The following TUBGCP3 variants were observed in gnomAD, a reference collection of about 807,000 sequenced individuals.
The protein encoded by TUBGCP3 is gamma-tubulin complex component 3.
A neutral mutation model predicts 123.1 loss-of-function variants in TUBGCP3; 50 were observed. The observed-to-expected ratio is 0.41, with a 90% CI of 0.32 to 0.51. TUBGCP3 has a LOEUF of 0.51. Among genes scored for constraint, TUBGCP3 ranks in the 20% least tolerant of loss-of-function variants. TUBGCP3 has a pLI of 0.36. For synonymous variants in TUBGCP3, 405 were observed against 413.9 expected (o/e 0.98, Z 0.26); for missense variants, 882 against 1,127.0 (o/e 0.78, Z 3.11).
intron 1 of TUBGCP3, among the ~76,000 whole-genome samples, chr13:112,570,798 G>C (rs529479821): frequency 1.3e-5 from 2 of 152,290 alleles, no homozygotes; most frequent in South Asian, 4.1e-4. Flanking sequence ...ACAGAAGCCA[G>C]TCCTCTTAAA....
At chr13:112,561,664 A>G (rs972591230) in intron 3 of TUBGCP3, among the ~76,000 whole-genome samples, 2 of 152,182 alleles carry the variant, frequency 1.3e-5, no homozygotes, top group Non-Finnish European at 2.9e-5. Flanking sequence ...ACAAGACGCA[A>G]CACTTCCTTC....
chr13:112,520,139 G>A, intron 14 of TUBGCP3, 118 bp from the exon 15 acceptor site: 1 of 938,412 alleles, frequency 1.1e-6, no homozygotes, highest in South Asian at 2.0e-5. Context: ...AGACAAATGG[G>A]ACCAATACAA....
chr13:112,562,976 C>T (rs538473302), intron 3 of TUBGCP3, among the ~76,000 whole-genome samples: 6 of 152,328 alleles, frequency 3.9e-5, no homozygotes, highest in Admixed American at 1.3e-4. Context: ...AGCACCTGCA[C>T]GCTGTTCCCT....
At chr13:112,522,937 T>C (rs1309712231) in intron 13 of TUBGCP3, among the ~76,000 whole-genome samples, 1 of 152,204 alleles carries the variant, frequency 6.6e-6, no homozygotes, top group African/African-American at 2.4e-5. Flanking sequence ...TGAGTAGTAG[T>C]ATCATGCACC....
chr13:112,504,382 G>A (rs938266053), intron 18 of TUBGCP3, among the ~76,000 whole-genome samples: 1 of 151,610 alleles, frequency 6.6e-6, no homozygotes, highest in Non-Finnish European at 1.5e-5. Context: ...CAGCTACTCA[G>A]GAGTCTGAGG....
At chr13:112,509,290 CCT>C (rs1881512831) in intron 17 of TUBGCP3, among the ~76,000 whole-genome samples, 2 of 152,168 alleles carry the variant, frequency 1.3e-5, no homozygotes, top group South Asian at 4.1e-4. Context: ...TCTGTTCTGC[CCT>C]AATAGGCCAT....
intron 19 of TUBGCP3, among the ~76,000 whole-genome samples, chr13:112,503,756 A>G (rs756588160): frequency 4.6e-5 from 7 of 152,204 alleles, no homozygotes; most frequent in Non-Finnish European, 7.3e-5. Flanking sequence ...GAATACCACA[A>G]TAGGATACCA....
chr13:112,504,535 CACAT>C, intron 18 of TUBGCP3, 87 bp downstream of exon 18: 1 of 866,450 alleles, frequency 1.2e-6, no homozygotes. Flanking sequence ...TATATATACA[CACAT>C]ACATACACAT....
At chr13:112,499,218 C>G (rs962244118) in intron 19 of TUBGCP3, 33 bp from the exon 20 acceptor site, 8 of 1,559,240 alleles carry the variant, frequency 5.1e-6, no homozygotes, top group Non-Finnish European at 6.9e-6. Flanking sequence ...ATGAATAGAG[C>G]CTCAACCAGC....
chr13:112,564,412 A>G (rs1191160629), intron 3 of TUBGCP3, among the ~76,000 whole-genome samples: 1 of 152,248 alleles, frequency 6.6e-6, no homozygotes, highest in Non-Finnish European at 1.5e-5. Flanking sequence ...TTTCTTCTCC[A>G]TAAAAGGAAA....
chr13:112,558,143 G>A, intron 5 of TUBGCP3, 53 bp downstream of exon 5: 3 of 1,537,968 alleles, frequency 2.0e-6, no homozygotes, highest in Non-Finnish European at 8.8e-7. Flanking sequence ...ACAGCCTGCA[G>A]GCGTCTCTGT....
chr13:112,519,309 C>T lies in TUBGCP3; in HGVS notation c.1882-266G>A, dbSNP rs914826464. 2.0e-5 allele frequency among the ~76,000 whole-genome samples: 3 copies of T among 152,190 alleles called. No individual in the cohort carries two copies. Among genetic ancestry groups the T allele is most frequent in the Non-Finnish European group, 2.9e-5 (2 of 68,026 alleles). On this transcript the variant is annotated intron_variant, in intron 15 of 21. Coordinates refer to ENST00000261965, the MANE Select transcript of TUBGCP3 (RefSeq NM_006322.6). The surrounding 1 kb of genome is among the most constrained non-coding windows in gnomAD (Gnocchi z 6.2). Reference sequence around the variant, plus strand: ...TTTAAAATTCATCACCATTTGCTTACGACGAAAACCCACTGCCTCTAAATA... The same window carrying T: ...TTTAAAATTCATCACCATTTGCTTATGACGAAAACCCACTGCCTCTAAATA...
intron 13 of TUBGCP3, among the ~76,000 whole-genome samples, chr13:112,525,099 T>C (rs544389935): frequency 1.3e-5 from 2 of 152,338 alleles, no homozygotes; most frequent in East Asian, 3.9e-4. Flanking sequence ...CCCAGTAACC[T>C]ATCCTGCTTC....
chr13:112,584,972 G>A (rs1882507660), intron 1 of TUBGCP3, among the ~76,000 whole-genome samples: 1 of 152,140 alleles, frequency 6.6e-6, no homozygotes, highest in Non-Finnish European at 1.5e-5. Flanking sequence ...GGTAAATCAT[G>A]GTCATGCTAA....
chr13:112,565,754 G>A (rs1880906518), intron 2 of TUBGCP3, among the ~76,000 whole-genome samples: 1 of 152,182 alleles, frequency 6.6e-6, no homozygotes. Context: ...CTAACACGGT[G>A]AAACCGAGTC....
At chr13:112,548,456 A>C (rs547486078) in intron 8 of TUBGCP3, among the ~76,000 whole-genome samples, 1 of 152,336 alleles carries the variant, frequency 6.6e-6, no homozygotes, top group South Asian at 2.1e-4. Context: ...GTGACTTTAG[A>C]GAATGATCCT....
chr13:112,542,429 T>C (rs1302114851), intron 11 of TUBGCP3, among the ~76,000 whole-genome samples: 1 of 152,248 alleles, frequency 6.6e-6, no homozygotes, highest in Non-Finnish European at 1.5e-5. Context: ...ATTACCTACA[T>C]GTCCTTAGCA....
rs181474097 is a variant in TUBGCP3 at position 112,563,465 on chromosome 13, G to C, written c.252+1646C>G. Among the ~76,000 whole-genome samples, 24 of 152,192 alleles carry C rather than the reference G, an allele frequency of 1.6e-4. No homozygotes were observed. The East Asian group carries it at 4.4e-3, about 28-fold the overall frequency. On this transcript the variant is annotated intron_variant, in intron 3 of 21. Coordinates refer to ENST00000261965, the MANE Select transcript of TUBGCP3 (RefSeq NM_006322.6). The stretch of plus-strand genomic sequence containing the variant: ...AAAAAGCCAAGCAAGTCAGTTTTGG[G>C]GACGAGCCCTAGGGAGCGGGCCACT...
chr13:112,593,772 A>G, the TUBGCP3 span, among the ~76,000 whole-genome samples: 3 of 152,206 alleles, frequency 2.0e-5, no homozygotes, highest in Admixed American at 6.5e-5. Flanking sequence ...TGATTCTAGG[A>G]AAACAAACTG....
Sources: allele counts gnomAD v4.1 joint callset (sites outside exome capture counted in the v4.1 genomes callset), GRCh38; gene constraint gnomAD v4.1.1; non-coding constraint Gnocchi (gnomAD v3.1); transcripts MANE v1.5; gene names NCBI Gene and HGNC (gene_info 2026-07-23, HGNC 2026-07-21).